The following SNX25 variants were observed in gnomAD, a reference collection of about 807,000 sequenced individuals.
The protein encoded by SNX25 is sorting nexin-25.
Under a neutral mutation model 113.7 loss-of-function variants are expected in SNX25, and 62 were observed. That is an observed-to-expected ratio of 0.55 (90% CI 0.44 to 0.67). SNX25 has a LOEUF of 0.67. Ranked by LOEUF, SNX25 falls within the 30% of genes least tolerant of loss-of-function variation. The probability of loss-of-function intolerance (pLI) is 0.00; values close to 1 mark genes in which losing one functional copy is unlikely to be tolerated. For missense variants in SNX25, 1,014 were observed against 1,161.0 expected (o/e 0.87, Z 1.84); for synonymous variants, 421 against 436.2 (o/e 0.97, Z 0.43).
At chr4:185,241,116 C>T (rs1743888990) in intron 1 of SNX25, among the ~76,000 whole-genome samples, 1 of 151,716 alleles carries the variant, frequency 6.6e-6, no homozygotes, top group Non-Finnish European at 1.5e-5. Flanking sequence ...CTTTGCGGGG[C>T]CAAGGCAGGC....
intron 1 of SNX25, among the ~76,000 whole-genome samples, chr4:185,219,334 C>T (rs985724601): frequency 4.6e-5 from 7 of 152,056 alleles, no homozygotes; most frequent in Non-Finnish European, 1.0e-4. Context: ...CTGAGGCAGG[C>T]GGATCACAAG....
chr4:185,311,739 T>C (rs2095031909), intron 7 of SNX25, among the ~76,000 whole-genome samples: 1 of 152,200 alleles, frequency 6.6e-6, no homozygotes, highest in African/African-American at 2.4e-5. Context: ...CAGCTACTCA[T>C]CTGTGATGTT....
At chr4:185,357,153 C>A (rs1241964994) in intron 15 of SNX25, among the ~76,000 whole-genome samples, 4 of 152,280 alleles carry the variant, frequency 2.6e-5, no homozygotes, top group Admixed American at 2.6e-4. Flanking sequence ...TGCCTCTTCA[C>A]CATTCACTTA....
intron 9 of SNX25, among the ~76,000 whole-genome samples, chr4:185,331,332 T>C (rs1433213964): frequency 6.6e-6 from 1 of 152,240 alleles, no homozygotes; most frequent in Non-Finnish European, 1.5e-5. Context: ...ATTATTCTCA[T>C]ACAATGCTGA....
At chr4:185,361,298 A>T (rs2095362437) in intron 16 of SNX25, among the ~76,000 whole-genome samples, 1 of 152,188 alleles carries the variant, frequency 6.6e-6, no homozygotes, top group African/African-American at 2.4e-5. Context: ...TTTTCACCTT[A>T]TACCACTTCA....
intron 1 of SNX25, among the ~76,000 whole-genome samples, chr4:185,218,978 T>G (rs1739343675): frequency 6.6e-6 from 1 of 152,186 alleles, no homozygotes; most frequent in African/African-American, 2.4e-5. Flanking sequence ...CCATCAGCAT[T>G]TCTGGGAGCC....
chr4:185,264,450 G>T lies in SNX25; in HGVS notation c.744G>T (p.Gln248His). The T allele has an allele frequency of 1.2e-6, 2 of 1,612,848 alleles. No individual in the cohort carries two copies. The highest frequency in any genetic ancestry group is 1.7e-6 in the Non-Finnish European group (2 of 1,179,824). ...TCTCTTTATTTAGACATGAAGAACA[G>T]CCAAGACCTTTTGTGTTGCACGCAT... Reference protein sequence around the residue: ...LKAANARHEEQPRPFVLHACL... With the variant: ...LKAANARHEEHPRPFVLHACL... Residue 248 changes from glutamine to histidine, a missense_variant, in exon 4 of 19, where the codon CAG (glutamine) becomes CAT (histidine). By Grantham distance (24) the Gln-to-His change is conservative (BLOSUM62 0). Coordinates refer to ENST00000652585, the MANE Select transcript of SNX25 (RefSeq NM_001378034.2).
intron 16 of SNX25, among the ~76,000 whole-genome samples, chr4:185,360,929 T>A (rs942929948): frequency 1.9e-5 from 2 of 103,878 alleles, no homozygotes; most frequent in Non-Finnish European, 3.5e-5. Flanking sequence ...AAAAAAAAAA[T>A]AATATATATA....
At chr4:185,339,260 C>G (rs935731722) in intron 10 of SNX25, 119 bp from the exon 11 acceptor site, 8 of 834,230 alleles carry the variant, frequency 9.6e-6, no homozygotes, top group Non-Finnish European at 1.4e-5. Context: ...TTGGATTATT[C>G]ACTGTTAGTG....
intron 7 of SNX25, among the ~76,000 whole-genome samples, chr4:185,315,593 C>T (rs767037172): frequency 6.6e-6 from 1 of 152,166 alleles, no homozygotes. Flanking sequence ...TGTGTCTGGC[C>T]TCACTGGTAA....
intron 1 of SNX25, among the ~76,000 whole-genome samples, chr4:185,235,969 T>C (rs887458777): frequency 6.6e-5 from 10 of 152,196 alleles, no homozygotes; most frequent in Admixed American, 4.6e-4. Context: ...AGTACAGATG[T>C]ACTGACAGAG....
chr4:185,233,332 T>C (rs1742138125), intron 1 of SNX25, among the ~76,000 whole-genome samples: 1 of 151,960 alleles, frequency 6.6e-6, no homozygotes, highest in South Asian at 2.1e-4. Flanking sequence ...GAGAACATAA[T>C]TTATTTACCG....
chr4:185,318,360 T>C (rs1246192812), intron 7 of SNX25, among the ~76,000 whole-genome samples: 2 of 152,246 alleles, frequency 1.3e-5, no homozygotes, highest in Non-Finnish European at 2.9e-5. Flanking sequence ...TCACGAATTA[T>C]TATGAAGGTC....
At chr4:185,257,747 A>G (rs952140773) in intron 2 of SNX25, among the ~76,000 whole-genome samples, 40 of 152,136 alleles carry the variant, frequency 2.6e-4, no homozygotes, top group South Asian at 6.2e-4. Flanking sequence ...TGTGGCTCTC[A>G]TATTCAAATT....
At chr4:185,235,661 G>A (rs938244846) in intron 1 of SNX25, among the ~76,000 whole-genome samples, 5 of 152,238 alleles carry the variant, frequency 3.3e-5, no homozygotes, top group African/African-American at 1.2e-4. Flanking sequence ...TGAAACCAAG[G>A]TGGGAGGATT....
chr4:185,237,441 A>C (rs146442265), intron 1 of SNX25, among the ~76,000 whole-genome samples: 21 of 152,172 alleles, frequency 1.4e-4, no homozygotes, highest in Admixed American at 3.9e-4. Context: ...GTGCTCTGTT[A>C]TGCTGTGTCT....
At position 185,342,130 on chromosome 4, in the gene SNX25, T is replaced by G. The variant is rs557802451; in HGVS notation, c.2187+14T>G. 9 of 1,554,756 alleles carry G rather than the reference T, an allele frequency of 5.8e-6. No individual in the cohort carries two copies. Among genetic ancestry groups the G allele is most frequent in the African/African-American group, 1.4e-5 (1 of 72,386 alleles). On this transcript the variant is annotated intron_variant, in intron 12 of 18. Coordinates refer to ENST00000652585, the MANE Select transcript of SNX25 (RefSeq NM_001378034.2). ...AAACTCAGTGAGGTATGAATACTCA[T>G]GAACGCAGTATTCTAGAATTACTGC...
intron 5 of SNX25, among the ~76,000 whole-genome samples, chr4:185,280,119 G>A (rs1750366025): frequency 6.6e-6 from 1 of 152,072 alleles, no homozygotes; most frequent in Non-Finnish European, 1.5e-5. Flanking sequence ...CTGTAGAGAC[G>A]AGGTCTCATT....
chr4:185,267,090 C>G lies in SNX25; in HGVS notation c.1026C>G (p.Pro342=), dbSNP rs1035482980. ...ACAAGAGAGCCTACACCTATGCCCC[C>G]TCTTACGAGGACTTCATCAAGCTCA... ...EHHKRAYTYA[P]SYEDFIKLIN... The change falls in exon 5 of 19, where the codon CCC becomes CCG. Residue 342 remains proline (P), a synonymous_variant. Transcript: ENST00000652585. 2 of 1,613,850 alleles carry G rather than the reference C, an allele frequency of 1.2e-6. No individual in the cohort carries two copies. The highest frequency in any genetic ancestry group is 1.3e-5 in the African/African-American group (1 of 74,884).
Sources: allele counts gnomAD v4.1 joint callset (sites outside exome capture counted in the v4.1 genomes callset), GRCh38; gene constraint gnomAD v4.1.1; transcripts MANE v1.5; gene names NCBI Gene and HGNC (gene_info 2026-07-23, HGNC 2026-07-21).